ADAMTS16: variants seen among roughly 807,000 people sequenced by gnomAD.
The protein encoded by ADAMTS16 is ADAM metallopeptidase with thrombospondin type 1 motif 16, also known as A disintegrin and metalloproteinase with thrombospondin motifs 16.
In ADAMTS16, 94 loss-of-function variants were observed where a neutral mutation model predicts 145.8. The observed-to-expected ratio is 0.64, with a 90% CI of 0.55 to 0.77. The LOEUF (loss-of-function observed/expected upper bound fraction) is 0.77. ADAMTS16 is among the 30% of genes least tolerant of loss of function. The pLI, the probability that ADAMTS16 is intolerant of heterozygous loss-of-function variation, is 0.00. For missense variants in ADAMTS16, 1,585 were observed against 1,591.5 expected (o/e 1.00, Z 0.07); for synonymous variants, 659 against 604.3 (o/e 1.09, Z -1.33).
At chr5:5,238,427 A>G (rs1053987184) in intron 14 of ADAMTS16, among the ~76,000 whole-genome samples, 2 of 152,192 alleles carry the variant, frequency 1.3e-5, no homozygotes, top group African/African-American at 4.8e-5. Flanking sequence ...TGGGATTCTC[A>G]TATGCATTTC....
chr5:5,266,516 T>A (rs989037590), intron 18 of ADAMTS16, among the ~76,000 whole-genome samples: 5 of 152,242 alleles, frequency 3.3e-5, no homozygotes. Context: ...TTCAGTTCTT[T>A]CTTGGAAAGA....
intron 18 of ADAMTS16, among the ~76,000 whole-genome samples, chr5:5,298,987 C>T (rs80339490): frequency 0.014 from 2,184 of 152,106 alleles, 39 homozygotes; most frequent in African/African-American, 0.05. Context: ...GAAGAGGCAC[C>T]GCCTAGCGAA....
intron 10 of ADAMTS16, among the ~76,000 whole-genome samples, chr5:5,217,420 A>G (rs893114524): frequency 2.6e-5 from 4 of 152,222 alleles, no homozygotes; most frequent in Admixed American, 6.5e-5. Flanking sequence ...AGGTCATGAA[A>G]TTCTTTTCTA....
intron 18 of ADAMTS16, among the ~76,000 whole-genome samples, chr5:5,264,698 G>A (rs773411430): frequency 2.2e-4 from 34 of 152,240 alleles, no homozygotes; most frequent in Admixed American, 4.6e-4. Flanking sequence ...TGATGTGATC[G>A]GGGACCTGTC....
At chr5:5,150,830 A>G (rs1734433431) in intron 3 of ADAMTS16, among the ~76,000 whole-genome samples, 1 of 152,170 alleles carries the variant, frequency 6.6e-6, no homozygotes, top group African/African-American at 2.4e-5. Flanking sequence ...ATGTCATCCT[A>G]CTGCTTTCTG....
At chr5:5,280,298 C>T (rs2126470106) in intron 18 of ADAMTS16, among the ~76,000 whole-genome samples, 1 of 152,288 alleles carries the variant, frequency 6.6e-6, no homozygotes, top group South Asian at 2.1e-4. Flanking sequence ...AAATTATTTC[C>T]TCCAGGTTCA....
At chr5:5,265,098 C>A (rs1005206573) in intron 18 of ADAMTS16, among the ~76,000 whole-genome samples, 4 of 152,212 alleles carry the variant, frequency 2.6e-5, no homozygotes, top group Admixed American at 1.3e-4. Flanking sequence ...AGGAAATAAA[C>A]CCCATGGCTG....
intron 7 of ADAMTS16, among the ~76,000 whole-genome samples, chr5:5,191,307 C>T (rs943671469): frequency 6.6e-6 from 1 of 152,156 alleles, no homozygotes; most frequent in Non-Finnish European, 1.5e-5. Context: ...TCTACAGCAC[C>T]TTTTCACTTG....
rs1433770818 is a variant in ADAMTS16 at position 5,215,900 on chromosome 5, A to G, written c.1605+6654A>G. ...TATATATATATATATATATATATATATATATATATATATATCACAGTTTCT... is the reference window on the plus strand; with the variant it reads ...TATATATATATATATATATATATATGTATATATATATATATCACAGTTTCT... On this transcript the variant is annotated intron_variant, in intron 10 of 22. Transcript: ENST00000274181. Among the ~76,000 whole-genome samples the G allele has an allele frequency of 3.0e-4, 30 of 100,774 alleles. 2 individuals carry two copies. The highest frequency in any genetic ancestry group is 6.2e-4 in the African/African-American group (20 of 32,092). The allele number at this position is 100,774 out of a possible 152,430, so 66.1% of individuals were successfully genotyped here.
At chr5:5,318,639 TC>T (rs1734152924) in intron 22 of ADAMTS16, among the ~76,000 whole-genome samples, 1 of 152,040 alleles carries the variant, frequency 6.6e-6, no homozygotes, top group Non-Finnish European at 1.5e-5. Context: ...ACACACAAAA[TC>T]CCCCAGCATT....
At position 5,306,574 on chromosome 5, in the gene ADAMTS16, A is replaced by C. The variant is rs760992831; in HGVS notation, c.3257A>C (p.Lys1086Thr). The C allele has an allele frequency of 1.9e-6, 3 of 1,614,248 alleles. No individual in the cohort carries two copies. The highest frequency in any genetic ancestry group is 1.7e-6 in the Non-Finnish European group (2 of 1,180,056). ...LKCAEKYVSG[K>T]YRELASKKCS... ...TGTGCTGAAAAGTATGTTTCTGGAAAGTATCGAGAGCTGGCCTCAAAGAAG... is the reference window on the plus strand; with the variant it reads ...TGTGCTGAAAAGTATGTTTCTGGAACGTATCGAGAGCTGGCCTCAAAGAAG... Residue 1086 changes from lysine (K) to threonine (T), a missense_variant, in exon 21 of 23, where the codon AAG becomes ACG. Lys to Thr is a moderately conservative substitution (Grantham distance 78). This residue lies in a region of ADAMTS16 where 834 missense variants were observed against 811.7 expected (regional missense o/e 1.03). Transcript: ENST00000274181.
At chr5:5,293,505 G>T (rs944425722) in intron 18 of ADAMTS16, among the ~76,000 whole-genome samples, 7 of 152,264 alleles carry the variant, frequency 4.6e-5, no homozygotes, top group Admixed American at 1.3e-4. Context: ...TCAGAAAAGA[G>T]CTGGCTGGAG....
At chr5:5,299,758 G>A (rs973897348) in intron 18 of ADAMTS16, among the ~76,000 whole-genome samples, 1 of 152,184 alleles carries the variant, frequency 6.6e-6, no homozygotes, top group Non-Finnish European at 1.5e-5. Flanking sequence ...GAGTCCCGCA[G>A]TGGAAACTGA....
chr5:5,265,985 AGTGTGT>A (rs71604122), intron 18 of ADAMTS16, among the ~76,000 whole-genome samples: 12,407 of 141,322 alleles, frequency 0.088, 752 homozygotes, highest in African/African-American at 0.16. Context: ...GACTTAAAGA[AGTGTGT>A]GTGTGTGTGT....
intron 9 of ADAMTS16, among the ~76,000 whole-genome samples, chr5:5,207,805 C>G (rs2126311264): frequency 6.6e-6 from 1 of 151,430 alleles, no homozygotes; most frequent in Admixed American, 6.6e-5. Context: ...CTTCTTTAGC[C>G]TATTGATGTA....
intron 18 of ADAMTS16, among the ~76,000 whole-genome samples, chr5:5,264,971 C>A (rs1272427970): frequency 6.6e-6 from 1 of 152,162 alleles, no homozygotes; most frequent in Non-Finnish European, 1.5e-5. Flanking sequence ...CTGGCCTTTC[C>A]CACCCAGACA....
At chr5:5,193,736 T>A (rs1735727137) in intron 8 of ADAMTS16, among the ~76,000 whole-genome samples, 1 of 152,200 alleles carries the variant, frequency 6.6e-6, no homozygotes, top group Non-Finnish European at 1.5e-5. Flanking sequence ...TCAAATTGGG[T>A]GTAGTTGGAA....
Position 5,307,277 on chromosome 5 carries a change from G to A in ADAMTS16, c.3411+549G>A, listed in dbSNP as rs73023586. On this transcript the variant is annotated intron_variant, in intron 21 of 22. Transcript: ENST00000274181. ...GTCGGGGTGGGCCCAGACCCCTTAG[G>A]AGTTCCGAAGGCTGACACTCGGTTC... Among the ~76,000 whole-genome samples, 481 of 152,300 alleles carry A rather than the reference G, an allele frequency of 3.2e-3. 2 individuals are homozygous for A. Among genetic ancestry groups the A allele is most frequent in the African/African-American group, 0.011 (464 of 41,574 alleles).
intron 17 of ADAMTS16, among the ~76,000 whole-genome samples, chr5:5,252,078 T>C (rs1737645728): frequency 6.6e-6 from 1 of 152,192 alleles, no homozygotes; most frequent in South Asian, 2.1e-4. Context: ...CTTGATCTCC[T>C]GACTTCGTGA....
Sources: gnomAD v4.1 joint callset for allele counts (sites outside exome capture counted in the v4.1 genomes callset) on GRCh38, gnomAD v4.1.1 for gene constraint, gnomAD v4.1.1 regional missense constraint, MANE v1.5 for transcripts, NCBI Gene and HGNC (gene_info 2026-07-23, HGNC 2026-07-21) for gene names.